PAX3: variants seen among roughly 807,000 people sequenced by gnomAD.
PAX3 encodes the protein paired box 3.
PAX3 carries 14 observed loss-of-function variants against 51.6 expected under a neutral mutation model. That is an observed-to-expected ratio of 0.27 (90% CI 0.18 to 0.42). The LOEUF (loss-of-function observed/expected upper bound fraction) is 0.42. PAX3 is among the 10% of genes least tolerant of loss of function. The probability of loss-of-function intolerance (pLI) is 1.00; values close to 1 mark genes in which losing one functional copy is unlikely to be tolerated. For missense variants in PAX3, 540 were observed against 642.8 expected, an observed-to-expected ratio of 0.84 and a Z score of 1.73; for synonymous variants, 280 against 253.4, an observed-to-expected ratio of 1.11 and a Z score of -1.00.
intron 7 of PAX3, among the ~76,000 whole-genome samples, chr2:222,216,570 A>G (rs935206002): frequency 6.6e-6 from 1 of 152,296 alleles, no homozygotes; most frequent in East Asian, 1.9e-4. Flanking sequence ...CATGAAGCTG[A>G]GACCTTCTCT....
At chr2:222,293,854 T>C (rs966226234) in intron 4 of PAX3, 24 of 1,612,506 alleles carry the variant, frequency 1.5e-5, no homozygotes, top group African/African-American at 9.3e-5. Flanking sequence ...ATACATTTAA[T>C]GGCAACAGAG....
intron 7 of PAX3, among the ~76,000 whole-genome samples, chr2:222,206,392 TA>T (rs963291726): frequency 1.6e-3 from 227 of 144,552 alleles, no homozygotes; most frequent in Middle Eastern, 6.9e-3. Context: ...GTGAACCATC[TA>T]AAAAAAAAAA....
chr2:222,257,911 C>A (rs1386594801), intron 4 of PAX3, among the ~76,000 whole-genome samples: 1 of 152,118 alleles, frequency 6.6e-6, no homozygotes, highest in African/African-American at 2.4e-5. Flanking sequence ...AACATCCAGG[C>A]AGGGCACAGA....
At chr2:222,220,470 G>A in intron 6 of PAX3, 116 bp from the exon 7 acceptor site, 1 of 972,582 alleles carries the variant, frequency 1.0e-6, no homozygotes, top group Non-Finnish European at 1.6e-6. Context: ...CAAATCAAAT[G>A]TTCACTTCAA....
At position 222,237,145 on chromosome 2, in the gene PAX3, T is replaced by A. The variant is rs867961853; in HGVS notation, c.587-4862A>T. On this transcript the variant is annotated intron_variant, in intron 4 of 8. Coordinates refer to ENST00000392070, the MANE Select transcript of PAX3 (RefSeq NM_181458.4). ...TTCCCCCCTAACTTCACAGCAATCCTAGGAATTAGATACTTATCCCACTGT... is the reference window on the plus strand; with the variant it reads ...TTCCCCCCTAACTTCACAGCAATCCAAGGAATTAGATACTTATCCCACTGT... Among the ~76,000 whole-genome samples, 3 of 151,990 alleles carry A rather than the reference T, an allele frequency of 2.0e-5. No individual in the cohort carries two copies. The South Asian group carries it at 6.2e-4, about 32-fold the overall frequency.
At chr2:222,257,335 G>T (rs768795091) in intron 4 of PAX3, among the ~76,000 whole-genome samples, 2 of 152,020 alleles carry the variant, frequency 1.3e-5, no homozygotes, top group Non-Finnish European at 2.9e-5. Flanking sequence ...AACTCATAGA[G>T]CCAAATATGA....
intron 4 of PAX3, among the ~76,000 whole-genome samples, chr2:222,235,759 G>T (rs1692776308): frequency 6.6e-6 from 1 of 152,144 alleles, no homozygotes; most frequent in African/African-American, 2.4e-5. Context: ...CATGAAAGCA[G>T]GGCCTGGTGA....
chr2:222,281,062 C>T (rs1004811517), intron 4 of PAX3, among the ~76,000 whole-genome samples: 3 of 152,190 alleles, frequency 2.0e-5, no homozygotes, highest in Non-Finnish European at 4.4e-5. Context: ...TACACACGTG[C>T]CCCAGATGTG....
intron 1 of PAX3, 146 bp downstream of exon 1, chr2:222,298,385 C>T: frequency 1.5e-6 from 1 of 663,554 alleles, no homozygotes; most frequent in East Asian, 2.7e-5. Context: ...TAGGTCCTCG[C>T]CCCCGACTGG....
In PAX3 at chr2:222,295,357, C is replaced by G. The variant is rs549433057; in HGVS notation, c.451+171G>C. 1.9e-4 allele frequency among the ~76,000 whole-genome samples: 29 copies of G among 152,320 alleles called. No individual in the cohort carries two copies. The South Asian group carries it at 5.2e-3, about 27-fold the overall frequency. On this transcript the variant is annotated intron_variant, in intron 3 of 8. Transcript: ENST00000392070. ...CGTCCCCAGGACAAGCAGCTCACCC[C>G]TCCCTCCATAAAGTGCCAAGAACAC...
intron 4 of PAX3, among the ~76,000 whole-genome samples, chr2:222,244,528 C>T (rs11695486): frequency 0.49 from 75,135 of 151,894 alleles, 19,281 homozygotes; most frequent in East Asian, 0.76. Context: ...CACCTATTCC[C>T]CTTCTTGTTA....
At chr2:222,214,419 T>C (rs1413474302) in intron 7 of PAX3, 17 of 152,286 alleles carry the variant, frequency 1.1e-4, no homozygotes, top group South Asian at 2.1e-4. Flanking sequence ...TTAATATTAT[T>C]CTTTAAAAGC....
At chr2:222,226,883 A>G (rs1030181553) in intron 5 of PAX3, among the ~76,000 whole-genome samples, 1 of 151,778 alleles carries the variant, frequency 6.6e-6, no homozygotes, top group African/African-American at 2.4e-5. Context: ...TGAGCACATA[A>G]TGAAAGCCAG....
chr2:222,214,354 C>A (rs909123845), intron 7 of PAX3: 16 of 152,140 alleles, frequency 1.1e-4, no homozygotes, highest in Non-Finnish European at 1.9e-4. Flanking sequence ...TCCTAATAGG[C>A]GTAGCTGACA....
At chr2:222,225,130 T>C (rs1692337404) in intron 5 of PAX3, among the ~76,000 whole-genome samples, 4 of 152,318 alleles carry the variant, frequency 2.6e-5, no homozygotes, top group African/African-American at 9.6e-5. Context: ...ACTATACTAT[T>C]AGACACAGTT....
chr2:222,226,612 G>A (rs1011463967), intron 5 of PAX3, among the ~76,000 whole-genome samples: 2 of 151,802 alleles, frequency 1.3e-5, no homozygotes, highest in African/African-American at 2.4e-5. Flanking sequence ...TCAGTTAGAC[G>A]GCTTCAAATC....
At chr2:222,259,049 C>G (rs1693749639) in intron 4 of PAX3, among the ~76,000 whole-genome samples, 1 of 151,304 alleles carries the variant, frequency 6.6e-6, no homozygotes, top group South Asian at 2.1e-4. Context: ...TTCCTGAAGA[C>G]TTTTTTTTTC....
intron 4 of PAX3, among the ~76,000 whole-genome samples, chr2:222,292,020 G>GTGTT (rs1491089946): frequency 4.6e-5 from 6 of 130,202 alleles, no homozygotes; most frequent in Admixed American, 3.1e-4. Flanking sequence ...GTGTGTGTGT[G>GTGTT]TTTCCAACAG....
intron 4 of PAX3, chr2:222,264,909 C>T (rs1368719723): frequency 6.6e-6 from 1 of 152,216 alleles, no homozygotes; most frequent in Non-Finnish European, 1.5e-5. Context: ...TTCACTCTGC[C>T]AGTAATACCA....
Sources: gnomAD v4.1 joint callset for allele counts (sites outside exome capture counted in the v4.1 genomes callset) on GRCh38, gnomAD v4.1.1 for gene constraint, MANE v1.5 for transcripts, NCBI Gene and HGNC (gene_info 2026-07-23, HGNC 2026-07-21) for gene names.